CACNA1E: variants seen among roughly 807,000 people sequenced by gnomAD.
The protein encoded by CACNA1E is voltage-dependent R-type calcium channel subunit alpha-1E.
Under a neutral mutation model 259.2 loss-of-function variants are expected in CACNA1E, and 40 were observed. That is an observed-to-expected ratio of 0.15 (90% CI 0.12 to 0.20). The LOEUF (loss-of-function observed/expected upper bound fraction) is 0.20. Among genes scored for constraint, CACNA1E ranks in the 10% least tolerant of loss-of-function variants. CACNA1E has a pLI of 1.00. For synonymous variants in CACNA1E, 1,104 were observed against 1,138.5 expected (o/e 0.97, Z 0.61); for missense variants, 1,874 against 3,040.1 (o/e 0.62, Z 9.02).
At chr1:181,544,411 A>AC (rs397966020) in intron 3 of CACNA1E, among the ~76,000 whole-genome samples, 4 of 148,940 alleles carry the variant, frequency 2.7e-5, no homozygotes, top group Admixed American at 6.7e-5. Context: ...AAAAAAAAAA[A>AC]CCCCACTGAA....
At chr1:181,567,895 AAG>A (rs1160001491) in intron 3 of CACNA1E, among the ~76,000 whole-genome samples, 1 of 152,102 alleles carries the variant, frequency 6.6e-6, no homozygotes, top group Non-Finnish European at 1.5e-5. Context: ...CACACAAATA[AAG>A]AGTACTGTTT....
At chr1:181,698,750 T>C (rs1651954826) in intron 7 of CACNA1E, among the ~76,000 whole-genome samples, 1 of 152,104 alleles carries the variant, frequency 6.6e-6, no homozygotes, top group Non-Finnish European at 1.5e-5. Flanking sequence ...CTCTAATAGA[T>C]AAGGATATTT....
intron 1 of CACNA1E, among the ~76,000 whole-genome samples, chr1:181,376,129 C>A (rs563656229): frequency 4.6e-5 from 7 of 152,130 alleles, no homozygotes; most frequent in African/African-American, 7.2e-5. Flanking sequence ...GTGAATGGAG[C>A]CAGGATAGGG....
At chr1:181,641,735 A>C (rs1657797252) in intron 6 of CACNA1E, among the ~76,000 whole-genome samples, 1 of 79,848 alleles carries the variant, frequency 1.3e-5, no homozygotes, top group Non-Finnish European at 2.3e-5. Context: ...TTTTTTTGAG[A>C]CAGAGTCTCG....
intron 1 of CACNA1E, among the ~76,000 whole-genome samples, chr1:181,392,592 T>C (rs1455843060): frequency 6.6e-6 from 1 of 152,180 alleles, no homozygotes; most frequent in Admixed American, 6.5e-5. Context: ...CCAACATCTG[T>C]GGAAGGGAAA....
chr1:181,644,065 T>C (rs1226564599), intron 6 of CACNA1E, among the ~76,000 whole-genome samples: 1 of 152,180 alleles, frequency 6.6e-6, no homozygotes, highest in Non-Finnish European at 1.5e-5. Flanking sequence ...TCCTCATTCT[T>C]TCCCCTGCTC....
chr1:181,414,926 G>T (rs1658150432), intron 2 of CACNA1E, among the ~76,000 whole-genome samples: 1 of 152,212 alleles, frequency 6.6e-6, no homozygotes, highest in South Asian at 2.1e-4. Flanking sequence ...AGATGCCATG[G>T]TAAGAGCACT....
At chr1:181,584,500 A>G (rs568817237) in intron 6 of CACNA1E, among the ~76,000 whole-genome samples, 1 of 152,324 alleles carries the variant, frequency 6.6e-6, no homozygotes, top group African/African-American at 2.4e-5. Flanking sequence ...TCTATAAACA[A>G]TGACTGTGGC....
chr1:181,563,340 G>A (rs1208793965), intron 3 of CACNA1E, among the ~76,000 whole-genome samples: 1 of 152,080 alleles, frequency 6.6e-6, no homozygotes, highest in Non-Finnish European at 1.5e-5. Context: ...TAAAATTTAT[G>A]GATCTGTGAC....
chr1:181,551,388 G>T (rs1572182055), intron 3 of CACNA1E, among the ~76,000 whole-genome samples: 1 of 152,186 alleles, frequency 6.6e-6, no homozygotes, highest in Admixed American at 6.5e-5. Flanking sequence ...GCAGCGTTTG[G>T]CCTGTGCAGC....
At chr1:181,465,032 C>T (rs1422794727) in intron 2 of CACNA1E, among the ~76,000 whole-genome samples, 1 of 152,046 alleles carries the variant, frequency 6.6e-6, no homozygotes, top group African/African-American at 2.4e-5. Flanking sequence ...AAATTTCCTC[C>T]CCAAGAAATG....
intron 1 of CACNA1E, among the ~76,000 whole-genome samples, chr1:181,396,227 C>A (rs998185645): frequency 1.3e-5 from 2 of 152,222 alleles, no homozygotes; most frequent in Non-Finnish European, 2.9e-5. Flanking sequence ...AGACGGAAGC[C>A]ACAGTCTTTT....
At chr1:181,459,421 A>G (rs1283737997) in intron 2 of CACNA1E, among the ~76,000 whole-genome samples, 1 of 152,246 alleles carries the variant, frequency 6.6e-6, no homozygotes, top group African/African-American at 2.4e-5. Flanking sequence ...TGTGTCTAGC[A>G]CATGAACTCT....
intron 2 of CACNA1E, among the ~76,000 whole-genome samples, chr1:181,460,085 G>A (rs1180509668): frequency 1.3e-5 from 2 of 152,132 alleles, no homozygotes; most frequent in Non-Finnish European, 2.9e-5. Flanking sequence ...CTGCTTTCTG[G>A]GGGAAACCAC....
At chr1:181,524,223 G>A (rs1265861255) in intron 3 of CACNA1E, among the ~76,000 whole-genome samples, 4 of 152,136 alleles carry the variant, frequency 2.6e-5, no homozygotes, top group African/African-American at 9.7e-5. Flanking sequence ...CCCAAGTGGT[G>A]GTTTTATTTT....
chr1:181,597,109 G>A (rs1653252977), intron 6 of CACNA1E, among the ~76,000 whole-genome samples: 1 of 152,106 alleles, frequency 6.6e-6, no homozygotes, highest in African/African-American at 2.4e-5. Flanking sequence ...TCCTTTCCTG[G>A]TTTAATTAAA....
intron 21 of CACNA1E, among the ~76,000 whole-genome samples, chr1:181,735,621 C>T (rs1655965256): frequency 6.6e-6 from 1 of 152,224 alleles, no homozygotes; most frequent in African/African-American, 2.4e-5. Context: ...TCCTTGGATG[C>T]AGTCATGGAC....
chr1:181,580,585 G>GTGTC lies in CACNA1E; in HGVS notation c.770-7_770-4dup. Reference sequence around the variant, plus strand: ...GTGATTTATCTCCTACCCTCCAAATGTGTCTGCAGGTATTCTAGAAGGATT... The same window carrying GTGTC: ...GTGATTTATCTCCTACCCTCCAAATGTGTCTGTCTGCAGGTATTCTAGAAGGATT... On this transcript the variant is annotated splice_polypyrimidine_tract_variant and intron_variant, in intron 5 of 47. Coordinates refer to ENST00000367573, the MANE Select transcript of CACNA1E (RefSeq NM_001205293.3). The GTGTC allele has an allele frequency of 6.2e-7, 1 of 1,613,368 alleles. No homozygotes were observed. The highest frequency in any genetic ancestry group is 1.3e-5 in the African/African-American group (1 of 75,042).
chr1:181,423,012 C>G (rs969951098), intron 2 of CACNA1E, among the ~76,000 whole-genome samples: 1 of 152,228 alleles, frequency 6.6e-6, no homozygotes, highest in Non-Finnish European at 1.5e-5. Context: ...CATAATAACC[C>G]TAATCCCCTT....
Sources: gnomAD v4.1 joint callset for allele counts (sites outside exome capture counted in the v4.1 genomes callset) on GRCh38, gnomAD v4.1.1 for gene constraint, MANE v1.5 for transcripts, NCBI Gene and HGNC (gene_info 2026-07-23, HGNC 2026-07-21) for gene names.